The following URB1 variants were observed in gnomAD, a reference collection of about 807,000 sequenced individuals.
URB1 encodes nucleolar pre-ribosomal-associated protein 1.
In URB1, 197 loss-of-function variants were observed where a neutral mutation model predicts 242.3. The observed-to-expected ratio is 0.81, with a 90% CI of 0.72 to 0.91. The LOEUF is 0.91. Ranked by LOEUF, URB1 falls within the 40% of genes least tolerant of loss-of-function variation. URB1 has a pLI of 0.00. For synonymous variants in URB1, 1,153 were observed against 1,201.8 expected, an observed-to-expected ratio of 0.96 and a Z score of 0.84; for missense variants, 2,721 against 2,860.5, an observed-to-expected ratio of 0.95 and a Z score of 1.11.
At chr21:32,390,681 C>CA (rs1048338536) in intron 1 of URB1, among the ~76,000 whole-genome samples, 1 of 152,132 alleles carries the variant, frequency 6.6e-6, no homozygotes, top group African/African-American at 2.4e-5. Flanking sequence ...CATCTCACAC[C>CA]AATTAGAATG....
chr21:32,363,067 A>T (rs2033306928), intron 11 of URB1, 89 bp downstream of exon 11: 10 of 1,459,552 alleles, frequency 6.9e-6, no homozygotes, highest in Non-Finnish European at 9.1e-6. Flanking sequence ...CCAAGGACAC[A>T]TCACTTGGCT....
intron 4 of URB1, among the ~76,000 whole-genome samples, chr21:32,382,077 T>C (rs1249409789): frequency 6.6e-6 from 1 of 152,152 alleles, no homozygotes; most frequent in Non-Finnish European, 1.5e-5. Context: ...ATGAAACGGC[T>C]TGTGTGTGGC....
chr21:32,378,619 C>G (rs1601156590), intron 4 of URB1, 78 bp from the exon 5 acceptor site: 1 of 1,174,362 alleles, frequency 8.5e-7, no homozygotes, highest in Admixed American at 2.0e-5. Flanking sequence ...AGTGGCCAAG[C>G]ACACCCCTCC....
intron 14 of URB1, 91 bp from the exon 15 acceptor site, chr21:32,357,747 GC>G: frequency 9.6e-7 from 1 of 1,039,502 alleles, no homozygotes; most frequent in Non-Finnish European, 1.2e-6. Context: ...ATACCATGGG[GC>G]CAGGCGTGGT....
intron 34 of URB1, 50 bp downstream of exon 34, chr21:32,321,748 TAAG>T (rs2032768733): frequency 2.6e-6 from 4 of 1,539,526 alleles, no homozygotes; most frequent in Non-Finnish European, 3.5e-6. Context: ...GATAAAATCT[TAAG>T]AAGGGGCACA....
At chr21:32,345,334 C>T (rs558477506) in intron 23 of URB1, 40 bp downstream of exon 23, 26 of 1,534,980 alleles carry the variant, frequency 1.7e-5, no homozygotes, top group Admixed American at 4.0e-5. Context: ...AAAATGACAC[C>T]GAGAGTGGAA....
chr21:32,326,848 T>C (rs1015737544), intron 30 of URB1, among the ~76,000 whole-genome samples: 2 of 152,196 alleles, frequency 1.3e-5, no homozygotes, highest in Non-Finnish European at 2.9e-5. Context: ...GGGTTCTTTA[T>C]ACCAGTGCAA....
chr21:32,339,745 C>T (rs955713034), intron 25 of URB1, among the ~76,000 whole-genome samples: 4 of 152,304 alleles, frequency 2.6e-5, no homozygotes, highest in Middle Eastern at 3.4e-3. Flanking sequence ...CCCGCCTCAG[C>T]CTCCCAAAGT....
At position 32,324,616 on chromosome 21, in the gene URB1, C is replaced by A; in HGVS notation, c.5122-14G>T. On this transcript the variant is annotated splice_polypyrimidine_tract_variant and intron_variant, in intron 31 of 38. Coordinates refer to ENST00000382751, the MANE Select transcript of URB1 (RefSeq NM_014825.3). ...CAGGTAAAGTAGCTTGAAAACAGAA[C>A]AGAAAAGGAAAATGTAAGATGAGCG... is the stretch of plus-strand genomic sequence containing the variant. The A allele has an allele frequency of 6.5e-7, 1 of 1,538,282 alleles. No homozygotes were observed. Among genetic ancestry groups the A allele is most frequent in the East Asian group, 2.4e-5 (1 of 40,834 alleles).
chr21:32,333,113 T>A (rs964243526), intron 30 of URB1: 86 of 518,896 alleles, frequency 1.7e-4, no homozygotes, highest in South Asian at 1.6e-3. Context: ...TTTTTTTTTT[T>A]AAATCACTGT....
chr21:32,373,530 G>A, intron 7 of URB1, 117 bp downstream of exon 7: 1 of 1,199,066 alleles, frequency 8.3e-7, no homozygotes, highest in Non-Finnish European at 1.1e-6. Context: ...ACAGTCAAAA[G>A]AAACAGATCA....
At chr21:32,349,580 C>T (rs1337817822) in intron 20 of URB1, 97 bp from the exon 21 acceptor site, 19 of 1,326,352 alleles carry the variant, frequency 1.4e-5, no homozygotes, top group Non-Finnish European at 1.9e-5. Flanking sequence ...GCAGGAGACT[C>T]GGGAGGCAGG....
intron 14 of URB1, 52 bp downstream of exon 14, chr21:32,359,744 C>A: frequency 2.0e-6 from 3 of 1,471,756 alleles, no homozygotes; most frequent in East Asian, 5.1e-5. Flanking sequence ...CAAGAAGCCA[C>A]CCGGCCCAGC....
At chr21:32,319,068 G>A (rs2032728871) in intron 36 of URB1, 149 bp downstream of exon 36, 2 of 674,246 alleles carry the variant, frequency 3.0e-6, no homozygotes, top group South Asian at 2.4e-5. Flanking sequence ...ACCTACACCT[G>A]ACACTGGTGC....
intron 14 of URB1, among the ~76,000 whole-genome samples, chr21:32,358,175 T>A (rs1357855009): frequency 6.6e-6 from 1 of 152,236 alleles, no homozygotes; most frequent in Non-Finnish European, 1.5e-5. Flanking sequence ...GTTCCTGTGC[T>A]GGAGCCGTCC....
At chr21:32,361,190 A>AGAAAGAAAGAAG in intron 12 of URB1, 67 bp from the exon 13 acceptor site, 1 of 918,358 alleles carries the variant, frequency 1.1e-6, no homozygotes. Context: ...AAAGAAAGAA[A>AGAAAGAAAGAAG]GAAAGAAAGA....
Position 32,387,600 on chromosome 21 carries a change from CAAAAAA to C in URB1, c.143-1922_143-1917del, listed in dbSNP as rs764839350. ...TGGGGAGTGAAGACTTCACCTTATTCAAAAAAAAAAAAAAAAAAAGCAGAGGAAGGG... is the reference window on the plus strand; with the variant it reads ...TGGGGAGTGAAGACTTCACCTTATTCAAAAAAAAAAAAAGCAGAGGAAGGG... On this transcript the variant is annotated intron_variant, in intron 1 of 38. Transcript: ENST00000382751. Among the ~76,000 whole-genome samples the C allele has an allele frequency of 4.0e-5, 5 of 124,800 alleles. 1 individual carries two copies. Among genetic ancestry groups the C allele is most frequent in the Admixed American group, 1.7e-4 (2 of 12,108 alleles). The allele number at this position is 124,800 out of a possible 152,430, so 81.9% of individuals were successfully genotyped here. A position where few individuals can be genotyped will look rare whatever the true frequency, so the allele number is the denominator to read the frequency against.
Position 32,384,294 on chromosome 21 carries a change from A to G in URB1, c.434+19T>C, listed in dbSNP as rs2033557820. On this transcript the variant is annotated intron_variant, in intron 3 of 38. Coordinates refer to ENST00000382751, the MANE Select transcript of URB1 (RefSeq NM_014825.3). The stretch of plus-strand genomic sequence containing the variant: ...AACCCAAAGGCCCATCCTTTGTCAC[A>G]CCAAGGCAGACTGCCTACCTGTAAC... 1 of 1,547,794 alleles carries G rather than the reference A, an allele frequency of 6.5e-7. No homozygotes were observed. The highest frequency in any genetic ancestry group is 8.7e-7 in the Non-Finnish European group (1 of 1,143,372).
intron 8 of URB1, among the ~76,000 whole-genome samples, chr21:32,369,472 T>C (rs945231212): frequency 6.6e-6 from 1 of 152,098 alleles, no homozygotes; most frequent in East Asian, 1.9e-4. Context: ...AAATTTTTTA[T>C]TATTTCTTCA....
Sources: gnomAD v4.1 joint callset for allele counts (sites outside exome capture counted in the v4.1 genomes callset) on GRCh38, gnomAD v4.1.1 for gene constraint, MANE v1.5 for transcripts, NCBI Gene and HGNC (gene_info 2026-07-23, HGNC 2026-07-21) for gene names.